DCC: variants seen among roughly 807,000 people sequenced by gnomAD.
DCC encodes the protein netrin receptor DCC.
DCC carries 58 observed loss-of-function variants against 172.5 expected under a neutral mutation model. The ratio of observed to expected loss-of-function variants is 0.34; its 90% CI spans 0.27 to 0.42. The LOEUF (loss-of-function observed/expected upper bound fraction) is 0.42. Ranked by LOEUF, DCC falls within the 10% of genes least tolerant of loss-of-function variation. The pLI is 1.00. For synonymous variants in DCC, 709 were observed against 644.5 expected (o/e 1.10, Z -1.52); for missense variants, 1,740 against 1,791.0 (o/e 0.97, Z 0.51).
intron 12 of DCC, among the ~76,000 whole-genome samples, chr18:53,262,015 A>G (rs2056611195): frequency 6.6e-6 from 1 of 152,196 alleles, no homozygotes; most frequent in Non-Finnish European, 1.5e-5. Context: ...ATCAGAAAAG[A>G]GGGGAACAAT....
At chr18:52,823,311 A>G (rs1449579359) in intron 2 of DCC, among the ~76,000 whole-genome samples, 1 of 152,164 alleles carries the variant, frequency 6.6e-6, no homozygotes, top group African/African-American at 2.4e-5. Context: ...AAAAGAAAAC[A>G]TCCGTACTCT....
At chr18:52,982,354 G>A (rs1206027466) in intron 5 of DCC, among the ~76,000 whole-genome samples, 4 of 152,144 alleles carry the variant, frequency 2.6e-5, no homozygotes, top group African/African-American at 9.7e-5. Context: ...GACAAATTGA[G>A]GATGGTTATG....
intron 2 of DCC, among the ~76,000 whole-genome samples, chr18:52,808,428 C>T (rs1434926355): frequency 1.3e-5 from 2 of 151,664 alleles, no homozygotes; most frequent in Non-Finnish European, 2.9e-5. Flanking sequence ...TACAACCTCC[C>T]ACCCACAAAA....
At chr18:53,459,174 GAA>G in intron 23 of DCC, 56 bp from the exon 24 acceptor site, 1 of 1,322,726 alleles carries the variant, frequency 7.6e-7, no homozygotes, top group Non-Finnish European at 1.1e-6. Flanking sequence ...ACTGATGAAA[GAA>G]AGGAAGTGCC....
At chr18:52,916,603 T>C (rs2040044708) in intron 3 of DCC, among the ~76,000 whole-genome samples, 3 of 152,204 alleles carry the variant, frequency 2.0e-5, no homozygotes, top group African/African-American at 7.2e-5. Flanking sequence ...CTATTCAAAA[T>C]ACCAGCTAGA....
At chr18:52,610,178 AATATATATATATATATATATATATAT>A (rs1158849717) in intron 1 of DCC, among the ~76,000 whole-genome samples, 2 of 14,080 alleles carry the variant, frequency 1.4e-4, no homozygotes, top group Admixed American at 1.3e-3. Context: ...AAAAAAAAAA[AATATATATATATATATATATATATAT>A]ATATATATAT....
intron 7 of DCC, among the ~76,000 whole-genome samples, chr18:53,114,754 C>A (rs1208830698): frequency 6.6e-6 from 1 of 151,570 alleles, no homozygotes; most frequent in Non-Finnish European, 1.5e-5. Flanking sequence ...AAGACCAGGC[C>A]AGGGCTATAG....
chr18:52,612,390 C>T (rs1245255508), intron 1 of DCC, among the ~76,000 whole-genome samples: 1 of 152,104 alleles, frequency 6.6e-6, no homozygotes, highest in Non-Finnish European at 1.5e-5. Flanking sequence ...GGTCATCACT[C>T]ATACCTACTC....
intron 5 of DCC, among the ~76,000 whole-genome samples, chr18:52,997,844 C>G (rs1449494230): frequency 1.3e-5 from 2 of 151,928 alleles, no homozygotes; most frequent in African/African-American, 4.8e-5. Flanking sequence ...GATATTCTTT[C>G]TAGAACGCTT....
At position 52,791,545 on chromosome 18, in the gene DCC, C is replaced by T. The variant is rs190083559; in HGVS notation, c.412+39171C>T. 3.9e-5 allele frequency among the ~76,000 whole-genome samples: 6 copies of T among 152,070 alleles called. No homozygotes were observed. In the East Asian group the frequency reaches 9.7e-4, roughly 25 times the overall value. On this transcript the variant is annotated intron_variant, in intron 2 of 28. Coordinates refer to ENST00000442544, the MANE Select transcript of DCC (RefSeq NM_005215.4). ...CAACCGTGGCTGCAGGCATGACCCT[C>T]AGCCATAGAACCAGAGGAACTAAGC... is the stretch of plus-strand genomic sequence containing the variant.
intron 1 of DCC, among the ~76,000 whole-genome samples, chr18:52,640,048 G>A (rs60620013): frequency 1.1e-3 from 167 of 152,132 alleles, no homozygotes; most frequent in African/African-American, 3.9e-3. Context: ...AGGGATGCAG[G>A]GATGGTTTAA....
intron 12 of DCC, among the ~76,000 whole-genome samples, chr18:53,233,407 C>G (rs2056152319): frequency 6.6e-6 from 1 of 152,140 alleles, no homozygotes; most frequent in Admixed American, 6.5e-5. Flanking sequence ...TTCATTCAAA[C>G]TAAAATCATA....
chr18:53,448,451 G>A (rs1032825984), intron 22 of DCC, among the ~76,000 whole-genome samples: 6 of 152,132 alleles, frequency 3.9e-5, no homozygotes, highest in Admixed American at 6.5e-5. Context: ...ACCAGCATGC[G>A]GGTAAACACC....
intron 15 of DCC, among the ~76,000 whole-genome samples, chr18:53,342,854 A>G (rs2144877306): frequency 6.8e-6 from 1 of 147,716 alleles, no homozygotes; most frequent in African/African-American, 2.4e-5. Context: ...AAATATATAT[A>G]CATATGTATA....
Position 52,731,914 on chromosome 18 carries a change from G to A in DCC, c.92-20140G>A, listed in dbSNP as rs570451276. On this transcript the variant is annotated intron_variant, in intron 1 of 28. Coordinates refer to ENST00000442544, the MANE Select transcript of DCC (RefSeq NM_005215.4). The stretch of plus-strand genomic sequence containing the variant: ...TGTTTTTGTATATACAGTAATTTTT[G>A]TTCTATTGAATTATTTTGCTGAGAT... Among the ~76,000 whole-genome samples the A allele has an allele frequency of 4.6e-5, 7 of 152,208 alleles. No homozygotes were observed. In the East Asian group the frequency reaches 1.4e-3, roughly 29 times the overall value.
At chr18:53,232,097 C>T (rs1200257665) in intron 12 of DCC, among the ~76,000 whole-genome samples, 3 of 152,054 alleles carry the variant, frequency 2.0e-5, no homozygotes, top group Non-Finnish European at 4.4e-5. Context: ...ATAATTGTTT[C>T]CCCTGGGACT....
At chr18:52,359,445 G>C (rs898223604) in intron 1 of DCC, among the ~76,000 whole-genome samples, 1 of 152,114 alleles carries the variant, frequency 6.6e-6, no homozygotes, top group Non-Finnish European at 1.5e-5. Context: ...TTGCAGCTAG[G>C]GGTAGTTATG....
At chr18:52,885,235 C>T (rs1252676792) in intron 2 of DCC, among the ~76,000 whole-genome samples, 1 of 152,118 alleles carries the variant, frequency 6.6e-6, no homozygotes, top group Admixed American at 6.5e-5. Flanking sequence ...TTGTTCTCCT[C>T]CCTTCAGAGT....
At position 52,954,561 on chromosome 18, in the gene DCC, T is replaced by G. The variant is rs189262073; in HGVS notation, c.985+29191T>G. On this transcript the variant is annotated intron_variant, in intron 5 of 28. Coordinates refer to ENST00000442544, the MANE Select transcript of DCC (RefSeq NM_005215.4). ...TCTTAGGAATACCCTCAGAGAAGCG[T>G]AGGGAAATATTTGAGAAAGGTCTTA... Among the ~76,000 whole-genome samples, 11 of 152,300 alleles carry G rather than the reference T, an allele frequency of 7.2e-5. No homozygotes were observed. In the East Asian group the frequency reaches 2.1e-3, roughly 29 times the overall value.
Sources: gnomAD v4.1 joint callset for allele counts (sites outside exome capture counted in the v4.1 genomes callset) on GRCh38, gnomAD v4.1.1 for gene constraint, MANE v1.5 for transcripts, NCBI Gene and HGNC (gene_info 2026-07-23, HGNC 2026-07-21) for gene names.